The following RGS12 variants were observed in gnomAD, a reference collection of about 807,000 sequenced individuals.
The protein encoded by RGS12 is regulator of G-protein signaling 12.
A neutral mutation model predicts 120.1 loss-of-function variants in RGS12; 66 were observed. The ratio of observed to expected loss-of-function variants is 0.55; its 90% CI spans 0.45 to 0.67. The LOEUF (loss-of-function observed/expected upper bound fraction) is 0.67, where lower values mean the gene tolerates loss of function less well. Ranked by LOEUF, RGS12 falls within the 30% of genes least tolerant of loss-of-function variation. The pLI is 0.00. For missense variants in RGS12, 1,859 were observed against 1,957.7 expected, an observed-to-expected ratio of 0.95 and a Z score of 0.95; for synonymous variants, 827 against 804.7, an observed-to-expected ratio of 1.03 and a Z score of -0.47.
At chr4:3,363,654 A>G (rs881817) in intron 3 of RGS12, among the ~76,000 whole-genome samples, 98,911 of 151,946 alleles carry the variant, frequency 0.65, 32,821 homozygotes, top group South Asian at 0.76. Flanking sequence ...GCAGGGCTCC[A>G]TGCGGGAGTG....
chr4:3,288,467 A>G (rs1262303515), upstream of RGS12, among the ~76,000 whole-genome samples: 1 of 152,084 alleles, frequency 6.6e-6, no homozygotes, highest in South Asian at 2.1e-4. This position sits in a 1 kb window ranked among gnomAD's most constrained non-coding sequence, Gnocchi z 5.2. Flanking sequence ...GGCCAGGAAA[A>G]TACTCACTGG....
intron 4 of RGS12, among the ~76,000 whole-genome samples, chr4:3,398,928 A>G (rs1172166748): frequency 6.6e-6 from 1 of 152,228 alleles, no homozygotes; most frequent in African/African-American, 2.4e-5. Flanking sequence ...AAATTATAGC[A>G]TACAGAGAAT....
chr4:3,366,538 T>C lies in RGS12; in HGVS notation c.1999-19878T>C, dbSNP rs1578837476. On this transcript the variant is annotated intron_variant, in intron 3 of 17. Coordinates refer to ENST00000336727, the MANE Select transcript of RGS12 (RefSeq NM_001394154.1). This position sits in a 1 kb window ranked among gnomAD's most constrained non-coding sequence, Gnocchi z 4.0. ...CTGAGAGTGAGGTGGTCCGGCCCCGTGAAGGAGGCAGCAGGGCTTGCGGCC... is the reference window on the plus strand; with the variant it reads ...CTGAGAGTGAGGTGGTCCGGCCCCGCGAAGGAGGCAGCAGGGCTTGCGGCC... 1.3e-5 allele frequency among the ~76,000 whole-genome samples: 2 copies of C among 152,154 alleles called. No homozygotes were observed. The highest frequency in any genetic ancestry group is 4.8e-5 in the African/African-American group (2 of 41,432).
chr4:3,432,234 A>ATTTTCT, intron 17 of RGS12: 1 of 895,746 alleles, frequency 1.1e-6, no homozygotes, highest in Non-Finnish European at 1.3e-6. Context: ...AGAAAATAAT[A>ATTTTCT]AAAGTATTTT....
rs941886228 is a variant in RGS12, at chr4:3,372,463, C to A, written c.1999-13953C>A. Among the ~76,000 whole-genome samples the A allele has an allele frequency of 6.6e-6, 1 of 152,254 alleles. No individual in the cohort carries two copies. Among genetic ancestry groups the A allele is most frequent in the Non-Finnish European group, 1.5e-5 (1 of 68,048 alleles). On this transcript the variant is annotated intron_variant, in intron 3 of 17. Coordinates refer to ENST00000336727, the MANE Select transcript of RGS12 (RefSeq NM_001394154.1). This position sits in a 1 kb window ranked among gnomAD's most constrained non-coding sequence, Gnocchi z 4.3. ...ACGGCTGGACAAGCATGACAGTTGT[C>A]GCGGAGCCGCCCGAGCTGTTGGCTT... is the stretch of plus-strand genomic sequence containing the variant.
intron 4 of RGS12, among the ~76,000 whole-genome samples, chr4:3,393,391 A>G (rs1719703560): frequency 6.6e-6 from 1 of 152,092 alleles, no homozygotes; most frequent in African/African-American, 2.4e-5. Context: ...GGCTCCTGTG[A>G]GGTCCCTGGG....
rs945224962 is a variant in RGS12 at position 3,422,526 on chromosome 4, A to G, written c.2989A>G (p.Ile997Val). The G allele has an allele frequency of 2.5e-6, 4 of 1,612,724 alleles. No individual in the cohort carries two copies. The highest frequency in any genetic ancestry group is 3.3e-5 in the Admixed American group (2 of 60,016). ...GTCCGGACTCTGTGAGCGGCATGGC[A>G]TCAACGGGGCGGCCGCGGACCTCTT... ...ILSGLCERHG[I>V]NGAAADLFLV... The change falls in exon 11 of 18, where the codon ATC becomes GTC. Residue 997 changes from isoleucine (I) to valine (V), a missense_variant. By Grantham distance (29) the Ile-to-Val change is conservative. Transcript: ENST00000336727.
upstream of RGS12, among the ~76,000 whole-genome samples, chr4:3,288,361 C>T (rs1023607955): frequency 2.0e-5 from 3 of 152,090 alleles, no homozygotes; most frequent in Non-Finnish European, 2.9e-5. The surrounding 1 kb of genome is among the most constrained non-coding windows in gnomAD (Gnocchi z 5.2). Context: ...GGGTGTGAGC[C>T]GCGCAGAGGC....
At chr4:3,294,263 G>T (rs948215287) in intron 1 of RGS12, among the ~76,000 whole-genome samples, 1 of 152,236 alleles carries the variant, frequency 6.6e-6, no homozygotes, top group African/African-American at 2.4e-5. Flanking sequence ...GGGGCGCTGG[G>T]GGGCCTTCCC....
intron 2 of RGS12, among the ~76,000 whole-genome samples, chr4:3,334,333 A>G (rs1712207492): frequency 6.6e-6 from 1 of 152,242 alleles, no homozygotes; most frequent in Non-Finnish European, 1.5e-5. Context: ...ATGGCAAATT[A>G]CAATGATTGA....
chr4:3,353,553 G>T (rs1714577622), intron 3 of RGS12, among the ~76,000 whole-genome samples: 1 of 152,278 alleles, frequency 6.6e-6, no homozygotes, highest in Non-Finnish European at 1.5e-5. Context: ...AGTCTGGGCT[G>T]TTTCTTCCCT....
rs758952201 is a variant in RGS12, at chr4:3,420,752, CAG to C, written c.2838+35_2838+36del. 3.8e-6 allele frequency: 6 copies of C among 1,561,004 alleles called. 1 individual carries two copies. The South Asian group carries it at 5.6e-5, about 14-fold the overall frequency. On this transcript the variant is annotated intron_variant, in intron 10 of 17. Transcript: ENST00000336727. The stretch of plus-strand genomic sequence containing the variant: ...CTGTCTCCCCTCGTCCCACAGGCCT[CAG>C]GGGTGTCCCCACCAGCTGACTGATG...
At chr4:3,343,781 C>A (rs1258658512) in intron 3 of RGS12, among the ~76,000 whole-genome samples, 1 of 152,056 alleles carries the variant, frequency 6.6e-6, no homozygotes, top group African/African-American at 2.4e-5. Flanking sequence ...TGAACTCTGA[C>A]AACCACTGAT....
chr4:3,289,227 A>G (rs980880876), upstream of RGS12, among the ~76,000 whole-genome samples: 1 of 151,996 alleles, frequency 6.6e-6, no homozygotes, highest in Non-Finnish European at 1.5e-5. Context: ...TTTTGGAGAC[A>G]GGATCTCATT....
At chr4:3,428,502 G>A (rs1478821878) in intron 15 of RGS12, 56 bp from the exon 16 acceptor site, 6 of 1,411,714 alleles carry the variant, frequency 4.3e-6, no homozygotes, top group Non-Finnish European at 5.8e-6. Context: ...ACTAATGAAT[G>A]ATGTATTGTC....
At chr4:3,363,746 C>T (rs1715984170) in intron 3 of RGS12, among the ~76,000 whole-genome samples, 1 of 152,152 alleles carries the variant, frequency 6.6e-6, no homozygotes, top group African/African-American at 2.4e-5. Context: ...CAGTGGTTCC[C>T]AACAAGAGCT....
At chr4:3,323,102 A>G (rs1164364413) in intron 2 of RGS12, among the ~76,000 whole-genome samples, 1 of 152,262 alleles carries the variant, frequency 6.6e-6, no homozygotes, top group African/African-American at 2.4e-5. Context: ...TGAGCAGCGC[A>G]GTCTGCTGTC....
At chr4:3,369,709 C>T (rs1716764938) in intron 3 of RGS12, among the ~76,000 whole-genome samples, 1 of 152,194 alleles carries the variant, frequency 6.6e-6, no homozygotes, top group African/African-American at 2.4e-5. Flanking sequence ...TTTCTTTCCT[C>T]CTTCCTTTTT....
upstream of RGS12, among the ~76,000 whole-genome samples, chr4:3,290,561 C>G (rs1480556829): frequency 6.6e-6 from 1 of 152,260 alleles, no homozygotes; most frequent in Non-Finnish European, 1.5e-5. Context: ...GGGACGCCCC[C>G]ACACCCCGAG....
Sources: allele counts gnomAD v4.1 joint callset (sites outside exome capture counted in the v4.1 genomes callset), GRCh38; gene constraint gnomAD v4.1.1; non-coding constraint Gnocchi (gnomAD v3.1); transcripts MANE v1.5; gene names NCBI Gene and HGNC (gene_info 2026-07-23, HGNC 2026-07-21).